The following AXL variants were observed in gnomAD, a reference collection of about 807,000 sequenced individuals.
AXL encodes the protein tyrosine-protein kinase receptor UFO.
AXL carries 52 observed loss-of-function variants against 104.5 expected under a neutral mutation model. The ratio of observed to expected loss-of-function variants is 0.50; its 90% CI spans 0.40 to 0.63. AXL has a LOEUF of 0.63. Ranked by LOEUF, AXL falls within the 20% of genes least tolerant of loss-of-function variation. The pLI, the probability that AXL is intolerant of heterozygous loss-of-function variation, is 0.00. For missense variants in AXL, 1,024 were observed against 1,188.5 expected (o/e 0.86, Z 2.04); for synonymous variants, 455 against 473.7 (o/e 0.96, Z 0.51).
chr19:41,241,543 C>CAAAAAAAAA (rs11457010), intron 10 of AXL, among the ~76,000 whole-genome samples: 1 of 67,036 alleles, frequency 1.5e-5, no homozygotes, highest in East Asian at 3.7e-4. Flanking sequence ...GACTCTGTCT[C>CAAAAAAAAA]AAAAAAAAAA....
intron 17 of AXL, among the ~76,000 whole-genome samples, chr19:41,254,530 G>C (rs2034423742): frequency 6.6e-6 from 1 of 151,038 alleles, no homozygotes; most frequent in African/African-American, 2.4e-5. Context: ...CAAAAAAAAA[G>C]AAAAAAAGAA....
chr19:41,225,147 G>T (rs776424806), intron 4 of AXL, among the ~76,000 whole-genome samples: 10 of 152,140 alleles, frequency 6.6e-5, no homozygotes, highest in Non-Finnish European at 1.5e-4. Context: ...GCGATTACAG[G>T]CACGCCTGGC....
At chr19:41,256,704 C>T (rs1291870264) in intron 18 of AXL, 93 bp downstream of exon 18, 1 of 1,526,568 alleles carries the variant, frequency 6.6e-7, no homozygotes, top group East Asian at 2.3e-5. Flanking sequence ...GCAAGGGTCA[C>T]AGGGACATGT....
At chr19:41,244,570 C>T (rs1042925477) in intron 12 of AXL, among the ~76,000 whole-genome samples, 3 of 152,034 alleles carry the variant, frequency 2.0e-5, no homozygotes, top group African/African-American at 7.2e-5. Flanking sequence ...ACCTTCACCT[C>T]CCAGGTTCAA....
chr19:41,220,298 CCACCAG>C (rs2033765258), intron 1 of AXL: 1 of 238,122 alleles, frequency 4.2e-6, no homozygotes. Context: ...TCCCCTCCAT[CCACCAG>C]CACCAGCGCG....
intron 4 of AXL, chr19:41,226,681 G>T: frequency 8.7e-6 from 8 of 919,370 alleles, no homozygotes; most frequent in Non-Finnish European, 1.0e-5. Context: ...CTCAACACAT[G>T]CACGTACACA....
In AXL at chr19:41,238,355, C is replaced by A; in HGVS notation, c.995-115C>A. On this transcript the variant is annotated intron_variant, in intron 7 of 19. Transcript: ENST00000301178. ...CCCCTGTGCTTCCTCTCATGGGAGGCCTGCACGAGTTGCCCACGTGTGTGC... is the reference window on the plus strand; with the variant it reads ...CCCCTGTGCTTCCTCTCATGGGAGGACTGCACGAGTTGCCCACGTGTGTGC... 2.6e-6 allele frequency: 4 copies of A among 1,520,492 alleles called. No homozygotes were observed. In the South Asian group the frequency reaches 3.7e-5, roughly 14 times the overall value. The allele number at this position is 1,520,492 out of a possible 1,614,324, so 94.2% of individuals were successfully genotyped here.
At position 41,261,703 on chromosome 19, in the gene AXL, A is replaced by G. The variant is rs2034546501; in HGVS notation, c.*1799A>G. The G allele has an allele frequency of 6.6e-6, 1 of 152,580 alleles. No individual in the cohort carries two copies. Among genetic ancestry groups the G allele is most frequent in the South Asian group, 2.1e-4 (1 of 4,830 alleles). 9.5% of individuals were successfully genotyped at this position (152,580 alleles called of 1,614,324 possible). ...TGAGCCAATCCCTCACCTTCTGAGT[A>G]CAGAGTGTGGACTCTGGTGCCTCCA... is the stretch of plus-strand genomic sequence containing the variant. On this transcript the variant is annotated 3_prime_UTR_variant, in exon 20 of 20. Transcript: ENST00000301178.
intron 10 of AXL, among the ~76,000 whole-genome samples, chr19:41,241,542 T>TAA (rs2034181085): frequency 1.6e-5 from 1 of 61,162 alleles, no homozygotes; most frequent in African/African-American, 7.5e-5. Flanking sequence ...AGACTCTGTC[T>TAA]CAAAAAAAAA....
intron 17 of AXL, 104 bp downstream of exon 17, chr19:41,253,812 G>C (rs2034409373): frequency 1.1e-6 from 1 of 930,370 alleles, no homozygotes. Flanking sequence ...CACCCGCTGA[G>C]GGCAGGTCAG....
rs2034513952 is a variant in AXL, at chr19:41,260,047, C to T, written c.*143C>T. On this transcript the variant is annotated 3_prime_UTR_variant, in exon 20 of 20. Coordinates refer to ENST00000301178, the MANE Select transcript of AXL (RefSeq NM_021913.5). Reference sequence around the variant, plus strand: ...CTACCTATCCCACCTCCATCCCAGACAGGTCCCTCCCCTTCTCTGTGCAGT... The same window carrying T: ...CTACCTATCCCACCTCCATCCCAGATAGGTCCCTCCCCTTCTCTGTGCAGT... 2.9e-6 allele frequency: 2 copies of T among 693,468 alleles called. No homozygotes were observed. The highest frequency in any genetic ancestry group is 4.7e-6 in the Non-Finnish European group (2 of 425,226). The allele number at this position is 693,468 out of a possible 1,614,324, so 43.0% of individuals were successfully genotyped here. A position where few individuals can be genotyped will look rare whatever the true frequency, so the allele number is the denominator to read the frequency against.
In AXL at chr19:41,221,234, G is replaced by A. The variant is rs752898809; in HGVS notation, c.397G>A (p.Val133Ile). ...HQTFVSQPGY[V>I]GLEGLPYFLE... ...GACCTTCGTGTCCCAGCCTGGCTATGTTGGGCTGGAGGGTGAGCTCTGGGG... is the reference window on the plus strand; with the variant it reads ...GACCTTCGTGTCCCAGCCTGGCTATATTGGGCTGGAGGGTGAGCTCTGGGG... Residue 133 changes from valine to isoleucine, a missense_variant, in exon 3 of 20, where the codon GTT (valine) becomes ATT (isoleucine). Physicochemically the swap from Val to Ile is conservative, Grantham distance 29. Coordinates refer to ENST00000301178, the MANE Select transcript of AXL (RefSeq NM_021913.5). 5.6e-6 allele frequency: 9 copies of A among 1,614,002 alleles called. No homozygotes were observed. The highest frequency in any genetic ancestry group is 7.6e-6 in the Non-Finnish European group (9 of 1,179,978).
chr19:41,226,728 G>C, intron 4 of AXL: 1 of 985,934 alleles, frequency 1.0e-6, no homozygotes, highest in African/African-American at 1.7e-5. Context: ...AAACATACCA[G>C]CTCAGAAACA....
At chr19:41,221,853 A>C (rs2122198209) in intron 3 of AXL, 27 bp from the exon 4 acceptor site, 1 of 1,609,970 alleles carries the variant, frequency 6.2e-7, no homozygotes, top group Non-Finnish European at 8.5e-7. Flanking sequence ...GAGGGACCCC[A>C]GCCTCTACCA....
In AXL at chr19:41,238,039, G is replaced by A. The variant is rs1393165550; in HGVS notation, c.879G>A (p.Gln293=). 5 of 1,613,730 alleles carry A rather than the reference G, an allele frequency of 3.1e-6. No homozygotes were observed. Among genetic ancestry groups the A allele is most frequent in the Non-Finnish European group, 3.4e-6 (4 of 1,179,938 alleles). ...LTSQASVPPH[Q]LRLGSLHPHT... ...CGCAAGCATCCGTGCCCCCCCATCA[G>A]CTTCGGCTAGGCAGCCTCCATCCTC... The change falls in exon 7 of 20, where the codon CAG becomes CAA. Residue 293 remains glutamine (Q), a synonymous_variant. Coordinates refer to ENST00000301178, the MANE Select transcript of AXL (RefSeq NM_021913.5).
chr19:41,250,607 T>C (rs1409532256), intron 14 of AXL, among the ~76,000 whole-genome samples: 1 of 152,016 alleles, frequency 6.6e-6, no homozygotes, highest in Non-Finnish European at 1.5e-5. Context: ...CACGCCCAGC[T>C]AATTTTTGTG....
At chr19:41,228,416 T>C (rs1190192419) in intron 4 of AXL, among the ~76,000 whole-genome samples, 1 of 151,972 alleles carries the variant, frequency 6.6e-6, no homozygotes, top group Non-Finnish European at 1.5e-5. Flanking sequence ...TAGCCGGGCA[T>C]GGTGGCGCGC....
In AXL at chr19:41,259,838, C is replaced by A. The variant is rs199598417; in HGVS notation, c.2619C>A (p.Thr873=). ...GCTATGTCCTCTGCCCTTCCACAAC[C>A]CCTAGCCCCGCTCAGCCTGCTGATA... ...AGRYVLCPST[T]PSPAQPADRG... is the part of the protein sequence containing the mutation. Residue 873 remains threonine (T), a synonymous_variant, in exon 20 of 20, where the codon ACC becomes ACA. Transcript: ENST00000301178. 19 of 1,612,692 alleles carry A rather than the reference C, an allele frequency of 1.2e-5. No individual in the cohort carries two copies. The highest frequency in any genetic ancestry group is 1.5e-5 in the Non-Finnish European group (18 of 1,179,228).
chr19:41,222,798 C>T (rs186235601), intron 4 of AXL, among the ~76,000 whole-genome samples: 12,459 of 149,320 alleles, frequency 0.083, 553 homozygotes, highest in African/African-American at 0.11. Flanking sequence ...CCCAGCTACT[C>T]GGGAGGCTGA....
Sources: gnomAD v4.1 joint callset for allele counts (sites outside exome capture counted in the v4.1 genomes callset) on GRCh38, gnomAD v4.1.1 for gene constraint, MANE v1.5 for transcripts, NCBI Gene and HGNC (gene_info 2026-07-23, HGNC 2026-07-21) for gene names.